The following AKTIP variants were observed in gnomAD, a reference collection of about 807,000 sequenced individuals.
AKTIP encodes AKT-interacting protein.
Under a neutral mutation model 39.1 loss-of-function variants are expected in AKTIP, and 16 were observed. That is an observed-to-expected ratio of 0.41 (90% CI 0.28 to 0.62). The LOEUF (loss-of-function observed/expected upper bound fraction) is 0.62. Among genes scored for constraint, AKTIP ranks in the 20% least tolerant of loss-of-function variants. AKTIP has a pLI of 0.32. For missense variants in AKTIP, 262 were observed against 356.6 expected (o/e 0.73, Z 2.14); for synonymous variants, 93 against 124.3 (o/e 0.75, Z 1.67).
At chr16:53,498,647 CAAG>C (rs747376580) in intron 2 of AKTIP, 51 bp from the exon 3 acceptor site, 1 of 1,557,662 alleles carries the variant, frequency 6.4e-7, no homozygotes, top group Non-Finnish European at 8.9e-7. Context: ...TCTTAAATCA[CAAG>C]AGTACATTAT....
In AKTIP at chr16:53,500,224, T is replaced by C. The variant is rs1328398986; in HGVS notation, c.36A>G (p.Val12=). The C allele has an allele frequency of 6.2e-7, 1 of 1,611,858 alleles. No homozygotes were observed. Among genetic ancestry groups the C allele is most frequent in the African/African-American group, 1.3e-5 (1 of 74,872 alleles). ...ATTTATCAACTATACCTACTTTGCG[T>C]ACAGAGCTTGTAGACATGCTCCAGA... ...NPFWSMSTSS[V]RKRSEGEEKT... The change falls in exon 2 of 10, where the codon GTA becomes GTG. Residue 12 remains valine, a synonymous_variant. Coordinates refer to ENST00000394657, the MANE Select transcript of AKTIP (RefSeq NM_022476.4).
Position 53,498,376 on chromosome 16 carries a change from T to C in AKTIP, c.248+15A>G, listed in dbSNP as rs764261874. 6.2e-7 allele frequency: 1 copy of C among 1,612,698 alleles called. No individual in the cohort carries two copies. The highest frequency in any genetic ancestry group is 8.5e-7 in the Non-Finnish European group (1 of 1,178,704). ...ATCATTCCTAATTTAACCAAATAGT[T>C]TGTTAAGGACTTACAATTCTGCAAG... On this transcript the variant is annotated intron_variant, in intron 3 of 9. Transcript: ENST00000394657.
upstream of AKTIP, among the ~76,000 whole-genome samples, chr16:53,504,010 A>C (rs949742803): frequency 6.6e-6 from 1 of 151,450 alleles, no homozygotes; most frequent in Non-Finnish European, 1.5e-5. Flanking sequence ...CCAGGAATCC[A>C]CATCTGTCAC....
In AKTIP at chr16:53,492,300, G is replaced by T; in HGVS notation, c.*112C>A. ...TATGCATACATGGAAAACACTGGCA[G>T]TCAGTCATTGTTCACACAGTTTTAC... On this transcript the variant is annotated 3_prime_UTR_variant, in exon 10 of 10. Coordinates refer to ENST00000394657, the MANE Select transcript of AKTIP (RefSeq NM_022476.4). The T allele has an allele frequency of 1.1e-6, 1 of 899,952 alleles. No individual in the cohort carries two copies. 55.7% of individuals were successfully genotyped at this position (899,952 alleles called of 1,614,324 possible).
chr16:53,491,589 ACTG>A lies in AKTIP; in HGVS notation c.*820_*822del, dbSNP rs1410960741. The A allele has an allele frequency of 2.0e-5, 3 of 152,656 alleles. No individual in the cohort carries two copies. The highest frequency in any genetic ancestry group is 4.4e-5 in the Non-Finnish European group (3 of 68,036). 9.5% of individuals were successfully genotyped at this position (152,656 alleles called of 1,614,324 possible). A position where few individuals can be genotyped will look rare whatever the true frequency, so the allele number is the denominator to read the frequency against. On this transcript the variant is annotated 3_prime_UTR_variant, in exon 10 of 10. Coordinates refer to ENST00000394657, the MANE Select transcript of AKTIP (RefSeq NM_022476.4). Reference sequence around the variant, plus strand: ...AAATATTTATAAAACTTCTCAAGATACTGCTACTGTAATTTTATATGAAGATAA... The same window carrying A: ...AAATATTTATAAAACTTCTCAAGATACTACTGTAATTTTATATGAAGATAA...
At chr16:53,494,994 AAAGAACC>A (rs762839456) in intron 5 of AKTIP, 72 bp downstream of exon 5, 2 of 1,313,166 alleles carry the variant, frequency 1.5e-6, no homozygotes, top group African/African-American at 2.9e-5. Context: ...CAGGTCAGGA[AAAGAACC>A]AGGAAAGCTG....
intron 2 of AKTIP, among the ~76,000 whole-genome samples, chr16:53,499,023 T>A (rs1317160229): frequency 6.6e-6 from 1 of 152,230 alleles, no homozygotes; most frequent in African/African-American, 2.4e-5. Context: ...ATGACTGAAA[T>A]CAGTCACTGC....
intron 3 of AKTIP, among the ~76,000 whole-genome samples, chr16:53,496,951 C>A (rs1469618324): frequency 6.6e-6 from 1 of 152,104 alleles, no homozygotes; most frequent in East Asian, 1.9e-4. Flanking sequence ...GACTATAGGT[C>A]TGCAGCTGGG....
rs548050189 is a variant in AKTIP, at chr16:53,498,291, G to C, written c.248+100C>G. 8.1e-6 allele frequency: 10 copies of C among 1,232,920 alleles called. No individual in the cohort carries two copies. In the South Asian group the frequency reaches 1.1e-4, roughly 14 times the overall value. The allele number at this position is 1,232,920 out of a possible 1,614,324, so 76.4% of individuals were successfully genotyped here. ...GGAAAGGGACAGGTTTGAGCTTTGA[G>C]ATTAAATGTCTGCCCTTTACTGCAT... On this transcript the variant is annotated intron_variant, in intron 3 of 9. Transcript: ENST00000394657.
At chr16:53,496,693 G>T (rs1381686277) in intron 3 of AKTIP, among the ~76,000 whole-genome samples, 1 of 151,966 alleles carries the variant, frequency 6.6e-6, no homozygotes, top group East Asian at 1.9e-4. Flanking sequence ...AATTAGCCGG[G>T]TGTGGTGGCG....
intron 1 of AKTIP, among the ~76,000 whole-genome samples, chr16:53,502,410 G>A (rs1440820338): frequency 6.6e-6 from 1 of 152,212 alleles, no homozygotes; most frequent in African/African-American, 2.4e-5. Flanking sequence ...TCACCCAGCT[G>A]AGAAGTCTGG....
rs780647131 is a variant in AKTIP at position 53,492,215 on chromosome 16, A to T, written c.*197T>A. Reference sequence around the variant, plus strand: ...CTGAACTAGATAACCACCCTAAGACACTTCTGACAGAAGTAATGCATTACT... The same window carrying T: ...CTGAACTAGATAACCACCCTAAGACTCTTCTGACAGAAGTAATGCATTACT... On this transcript the variant is annotated 3_prime_UTR_variant, in exon 10 of 10. Transcript: ENST00000394657. 5.4e-6 allele frequency: 3 copies of T among 557,606 alleles called. No individual in the cohort carries two copies. Among genetic ancestry groups the T allele is most frequent in the Admixed American group, 3.3e-5 (1 of 30,310 alleles). 34.5% of individuals were successfully genotyped at this position (557,606 alleles called of 1,614,324 possible).
chr16:53,502,989 G>A, intron 1 of AKTIP, 158 bp downstream of exon 1: 1 of 152,442 alleles, frequency 6.6e-6, no homozygotes, highest in Non-Finnish European at 1.5e-5. Context: ...ACGCGCACAG[G>A]TGCCCGGCCC....
chr16:53,500,670 G>A (rs992592140), intron 1 of AKTIP, among the ~76,000 whole-genome samples: 16 of 152,244 alleles, frequency 1.1e-4, no homozygotes, highest in Non-Finnish European at 1.9e-4. Flanking sequence ...GAGCCACCAC[G>A]CCCGGCCAAC....
In AKTIP at chr16:53,491,375, C is replaced by T. The variant is rs1961441465; in HGVS notation, c.*1037G>A. On this transcript the variant is annotated 3_prime_UTR_variant, in exon 10 of 10. Coordinates refer to ENST00000394657, the MANE Select transcript of AKTIP (RefSeq NM_022476.4). ...ATACAAATTAGAAAATGTTATTTAACAGCTGAATTATCTATACATATCTTT... is the reference window on the plus strand; with the variant it reads ...ATACAAATTAGAAAATGTTATTTAATAGCTGAATTATCTATACATATCTTT... 1 of 152,160 alleles carries T rather than the reference C, an allele frequency of 6.6e-6. No individual in the cohort carries two copies. The highest frequency in any genetic ancestry group is 1.5e-5 in the Non-Finnish European group (1 of 68,016). 9.4% of individuals were successfully genotyped at this position (152,160 alleles called of 1,614,324 possible).
chr16:53,500,183 T>A (rs17193678), intron 2 of AKTIP, 35 bp downstream of exon 2: 235,074 of 1,517,144 alleles, frequency 0.15, 19,923 homozygotes, highest in South Asian at 0.28. Context: ...CAGAAGCAAA[T>A]GGGTTTTCTT....
Position 53,492,684 on chromosome 16 carries a change from T to C in AKTIP, c.771+9A>G, listed in dbSNP as rs751866927. The C allele has an allele frequency of 4.3e-5, 69 of 1,613,412 alleles. No individual in the cohort carries two copies. The Middle Eastern group carries it at 8.2e-4, about 19-fold the overall frequency. The stretch of plus-strand genomic sequence containing the variant: ...GAGTTAGCCATTTCATAAGTTGTTA[T>C]CCACTTACTTTCTGAGTCAGCATCT... On this transcript the variant is annotated intron_variant, in intron 9 of 9. Coordinates refer to ENST00000394657, the MANE Select transcript of AKTIP (RefSeq NM_022476.4).
At chr16:53,502,938 G>A (rs1234587959) in intron 1 of AKTIP, 3 of 152,504 alleles carry the variant, frequency 2.0e-5, no homozygotes, top group Admixed American at 6.5e-5. Flanking sequence ...CCCAGCAGCA[G>A]TCCCGGGCTG....
At position 53,494,450 on chromosome 16, in the gene AKTIP, A is replaced by G. The variant is rs749974459; in HGVS notation, c.504-13T>C. On this transcript the variant is annotated splice_polypyrimidine_tract_variant and intron_variant, in intron 6 of 9. Transcript: ENST00000394657. ...ATTATGGTTCCGCCTAAAGGGAAAC[A>G]TGGCGTGATTACCGAGGCGTCCTCT... The G allele has an allele frequency of 1.8e-5, 29 of 1,613,920 alleles. No homozygotes were observed. The highest frequency in any genetic ancestry group is 2.2e-5 in the East Asian group (1 of 44,896).
Sources: allele counts gnomAD v4.1 joint callset (sites outside exome capture counted in the v4.1 genomes callset), GRCh38; gene constraint gnomAD v4.1.1; transcripts MANE v1.5; gene names NCBI Gene and HGNC (gene_info 2026-07-23, HGNC 2026-07-21).